The following LRRTM4 variants were observed in gnomAD, a reference collection of about 807,000 sequenced individuals.
LRRTM4 encodes the protein leucine rich repeat transmembrane neuronal 4.
LRRTM4 carries 25 observed loss-of-function variants against 47.6 expected under a neutral mutation model. The observed-to-expected ratio is 0.53, with a 90% CI of 0.38 to 0.73. The LOEUF is 0.73. LRRTM4 is among the 30% of genes least tolerant of loss of function. LRRTM4 has a pLI of 0.00. For missense variants in LRRTM4, 638 were observed against 713.4 expected, an observed-to-expected ratio of 0.89 and a Z score of 1.20; for synonymous variants, 311 against 269.5, an observed-to-expected ratio of 1.15 and a Z score of -1.51.
intron 3 of LRRTM4, among the ~76,000 whole-genome samples, chr2:77,495,734 G>T (rs1165791857): frequency 2.0e-5 from 3 of 151,972 alleles, no homozygotes; most frequent in Non-Finnish European, 4.4e-5. Context: ...TCATTGATCT[G>T]CTTGTCTGTC....
intron 3 of LRRTM4, among the ~76,000 whole-genome samples, chr2:76,807,400 GTATATACGTATATATATA>G (rs1286948073): frequency 1.2e-4 from 7 of 59,634 alleles, no homozygotes; most frequent in African/African-American, 5.6e-4. Flanking sequence ...ATATATATAT[GTATATACGTATATATATA>G]TATATACATA....
At chr2:77,205,227 AGTTTT>A (rs1203941198) in intron 3 of LRRTM4, among the ~76,000 whole-genome samples, 2 of 152,212 alleles carry the variant, frequency 1.3e-5, no homozygotes, top group African/African-American at 2.4e-5. Context: ...CTTTGTTTTT[AGTTTT>A]GTTTTGTTTT....
chr2:77,461,149 G>GAGAGAGAGAA (rs1306246140), intron 3 of LRRTM4, among the ~76,000 whole-genome samples: 1 of 151,548 alleles, frequency 6.6e-6, no homozygotes, highest in Non-Finnish European at 1.5e-5. Flanking sequence ...GAGAGAGAGA[G>GAGAGAGAGAA]AGAGAGAGAG....
chr2:76,916,489 A>C (rs950169467), intron 3 of LRRTM4, among the ~76,000 whole-genome samples: 1 of 152,068 alleles, frequency 6.6e-6, no homozygotes, highest in Non-Finnish European at 1.5e-5. Context: ...TAAGTTACAT[A>C]ATTTTTAAAG....
intron 3 of LRRTM4, among the ~76,000 whole-genome samples, chr2:77,141,196 A>T (rs1368395006): frequency 1.3e-5 from 2 of 152,212 alleles, no homozygotes; most frequent in African/African-American, 4.8e-5. Flanking sequence ...GGCACTATTC[A>T]CAATAACAAA....
chr2:77,115,194 G>T (rs986447426), intron 3 of LRRTM4, among the ~76,000 whole-genome samples: 12 of 152,226 alleles, frequency 7.9e-5, no homozygotes, highest in Middle Eastern at 3.4e-3. Flanking sequence ...TTGCATGTCC[G>T]TTTATAGGTT....
At chr2:77,022,301 A>G (rs1235054416) in intron 3 of LRRTM4, among the ~76,000 whole-genome samples, 3 of 152,200 alleles carry the variant, frequency 2.0e-5, no homozygotes, top group Admixed American at 6.5e-5. Context: ...TGTGGGAATT[A>G]TGGGAGTATA....
intron 3 of LRRTM4, among the ~76,000 whole-genome samples, chr2:76,779,889 G>A (rs1336140780): frequency 2.6e-5 from 4 of 151,924 alleles, no homozygotes; most frequent in Admixed American, 2.0e-4. Context: ...TGATTTTGCA[G>A]CGGCTGGTAC....
intron 3 of LRRTM4, among the ~76,000 whole-genome samples, chr2:76,836,974 C>A (rs549896818): frequency 2.0e-5 from 3 of 152,164 alleles, no homozygotes; most frequent in African/African-American, 7.2e-5. Flanking sequence ...CTGAAATCCT[C>A]ATGTTGTAAG....
At chr2:76,813,206 A>C (rs1246108390) in intron 3 of LRRTM4, among the ~76,000 whole-genome samples, 1 of 152,160 alleles carries the variant, frequency 6.6e-6, no homozygotes, top group East Asian at 1.9e-4. Flanking sequence ...GGAGGAATAC[A>C]TGTATATGTG....
intron 3 of LRRTM4, among the ~76,000 whole-genome samples, chr2:76,824,975 T>C (rs1671152578): frequency 6.6e-6 from 1 of 151,648 alleles, no homozygotes; most frequent in African/African-American, 2.4e-5. Flanking sequence ...GGGTACTGCT[T>C]ATTTATTATT....
intron 3 of LRRTM4, among the ~76,000 whole-genome samples, chr2:77,310,379 G>A (rs1677418699): frequency 6.6e-6 from 1 of 151,814 alleles, no homozygotes; most frequent in South Asian, 2.1e-4. Flanking sequence ...AATCTTTGAG[G>A]CAGTTTTTAT....
intron 3 of LRRTM4, among the ~76,000 whole-genome samples, chr2:77,341,836 T>C (rs907041975): frequency 2.0e-5 from 3 of 151,962 alleles, no homozygotes; most frequent in Non-Finnish European, 4.4e-5. Context: ...AGAAAGCATT[T>C]GTAAAAACAA....
At chr2:77,459,014 A>G (rs1434751657) in intron 3 of LRRTM4, among the ~76,000 whole-genome samples, 5 of 152,026 alleles carry the variant, frequency 3.3e-5, no homozygotes, top group African/African-American at 9.7e-5. Flanking sequence ...CAAAATGTTT[A>G]TAATACTGTA....
intron 3 of LRRTM4, among the ~76,000 whole-genome samples, chr2:77,375,339 T>C (rs951006603): frequency 2.6e-5 from 4 of 151,074 alleles, no homozygotes; most frequent in African/African-American, 9.8e-5. Flanking sequence ...TTGGGACATA[T>C]GCACCATACC....
intron 3 of LRRTM4, among the ~76,000 whole-genome samples, chr2:77,466,525 A>G (rs1676987746): frequency 6.6e-6 from 1 of 152,098 alleles, no homozygotes; most frequent in South Asian, 2.1e-4. Context: ...TGAGACATCT[A>G]TTTTATATTA....
intron 3 of LRRTM4, among the ~76,000 whole-genome samples, chr2:77,154,231 C>T (rs1672500310): frequency 6.6e-6 from 1 of 152,124 alleles, no homozygotes; most frequent in Non-Finnish European, 1.5e-5. Flanking sequence ...TAGACTTTGG[C>T]TAAATATGCT....
At chr2:77,353,851 T>A (rs930788478) in intron 3 of LRRTM4, among the ~76,000 whole-genome samples, 2 of 152,130 alleles carry the variant, frequency 1.3e-5, no homozygotes, top group African/African-American at 4.8e-5. Flanking sequence ...CCAGGAAGGT[T>A]CTTGGCTTCG....
chr2:77,044,041 T>G (rs1348418878), intron 3 of LRRTM4, among the ~76,000 whole-genome samples: 2 of 151,712 alleles, frequency 1.3e-5, no homozygotes, highest in African/African-American at 4.8e-5. Context: ...CTGTTTGTTT[T>G]CTTCCTCATT....
Sources: allele counts gnomAD v4.1 joint callset (sites outside exome capture counted in the v4.1 genomes callset), GRCh38; gene constraint gnomAD v4.1.1; transcripts MANE v1.5; gene names NCBI Gene and HGNC (gene_info 2026-07-23, HGNC 2026-07-21).